SNTB1: variants seen among roughly 807,000 people sequenced by gnomAD.
SNTB1 encodes the protein syntrophin beta 1, also known as beta-1-syntrophin.
In SNTB1, 36 loss-of-function variants were observed where a neutral mutation model predicts 48.9. That is an observed-to-expected ratio of 0.74 (90% CI 0.56 to 0.97). The LOEUF (loss-of-function observed/expected upper bound fraction) is 0.97, where lower values mean the gene tolerates loss of function less well. Ranked by LOEUF, SNTB1 falls within the 50% of genes least tolerant of loss-of-function variation. SNTB1 has a pLI of 0.00. For synonymous variants in SNTB1, 299 were observed against 294.6 expected (o/e 1.01, Z -0.15); for missense variants, 786 against 703.4 (o/e 1.12, Z -1.33).
intron 4 of SNTB1, among the ~76,000 whole-genome samples, chr8:120,574,153 A>T (rs4562365): frequency 0.43 from 64,705 of 152,076 alleles, 17,320 homozygotes; most frequent in Non-Finnish European, 0.61. Flanking sequence ...TTATATGAGG[A>T]ATCTAAAATG....
chr8:120,696,478 G>A (rs1220102473), intron 1 of SNTB1, among the ~76,000 whole-genome samples: 1 of 152,150 alleles, frequency 6.6e-6, no homozygotes, highest in African/African-American at 2.4e-5. Flanking sequence ...ATTGAATCAG[G>A]TGCTTTACAT....
intron 1 of SNTB1, among the ~76,000 whole-genome samples, chr8:120,695,737 A>T (rs975169015): frequency 6.6e-6 from 1 of 152,186 alleles, no homozygotes; most frequent in African/African-American, 2.4e-5. Flanking sequence ...GAGGGACTCA[A>T]TCATATCAAA....
intron 3 of SNTB1, among the ~76,000 whole-genome samples, chr8:120,608,040 C>T (rs780690709): frequency 6.6e-6 from 1 of 152,132 alleles, no homozygotes; most frequent in Non-Finnish European, 1.5e-5. Flanking sequence ...TCCAAGAAAC[C>T]GCAAGCTTGG....
Position 120,541,819 on chromosome 8 carries a change from A to G in SNTB1, c.1515T>C (p.Asp505=), listed in dbSNP as rs766600065. Residue 505 remains aspartate, a synonymous_variant, in exon 6 of 7, where the codon GAT becomes GAC. Transcript: ENST00000517992. ...RMLYLDFGGK[D]GEIQLDLHSC... is the part of the protein sequence containing the mutation. ...AGAAAAGTACACTTACAATCTCTCC[A>G]TCTTTGCCTCCAAAATCTAAATACA... 3 of 1,611,704 alleles carry G rather than the reference A, an allele frequency of 1.9e-6. No individual in the cohort carries two copies. Among genetic ancestry groups the G allele is most frequent in the Admixed American group, 3.4e-5 (2 of 59,672 alleles).
chr8:120,714,190 C>T (rs1257570819), intron 1 of SNTB1, among the ~76,000 whole-genome samples: 2 of 152,148 alleles, frequency 1.3e-5, no homozygotes, highest in Non-Finnish European at 2.9e-5. Context: ...AGAGTGCCTT[C>T]CACCTGTATT....
At chr8:120,792,101 G>GCA (rs35253518) in intron 1 of SNTB1, among the ~76,000 whole-genome samples, 163 of 148,836 alleles carry the variant, frequency 1.1e-3, no homozygotes, top group Admixed American at 5.3e-3. Flanking sequence ...TACTAAAGAA[G>GCA]CACACACACA....
At chr8:120,715,375 A>G (rs1355063210) in intron 1 of SNTB1, among the ~76,000 whole-genome samples, 1 of 152,202 alleles carries the variant, frequency 6.6e-6, no homozygotes, top group African/African-American at 2.4e-5. Context: ...ATTTTTATAC[A>G]ATGCTCAGGT....
chr8:120,789,344 A>AG (rs1819985367), intron 1 of SNTB1, among the ~76,000 whole-genome samples: 1 of 151,954 alleles, frequency 6.6e-6, no homozygotes, highest in African/African-American at 2.4e-5. Context: ...AGAAAAAAAA[A>AG]GAACACACCA....
chr8:120,540,883 G>A (rs1200269954), intron 6 of SNTB1, among the ~76,000 whole-genome samples: 2 of 152,112 alleles, frequency 1.3e-5, no homozygotes, highest in Non-Finnish European at 2.9e-5. Context: ...CTGCAATTCT[G>A]AGAGATAAAA....
At chr8:120,690,103 A>T (rs1374760287) in intron 2 of SNTB1, among the ~76,000 whole-genome samples, 1 of 152,216 alleles carries the variant, frequency 6.6e-6, no homozygotes, top group Non-Finnish European at 1.5e-5. Flanking sequence ...ATTTTGAGAG[A>T]CAGAGAGACC....
At chr8:120,585,129 G>GTAGT (rs1816118316) in intron 3 of SNTB1, among the ~76,000 whole-genome samples, 1 of 152,112 alleles carries the variant, frequency 6.6e-6, no homozygotes, top group African/African-American at 2.4e-5. Context: ...GCCCTATGCT[G>GTAGT]TAGTTCACCA....
chr8:120,693,544 C>T (rs1309795783), intron 2 of SNTB1, 148 bp downstream of exon 2: 1 of 706,222 alleles, frequency 1.4e-6, no homozygotes, highest in Non-Finnish European at 2.5e-6. Flanking sequence ...CACACAGACA[C>T]ACACAATTCT....
intron 1 of SNTB1, among the ~76,000 whole-genome samples, chr8:120,762,396 A>T (rs1470120853): frequency 1.3e-5 from 2 of 152,152 alleles, no homozygotes; most frequent in Non-Finnish European, 2.9e-5. Flanking sequence ...CAGGAAACCC[A>T]TTTCCTTTAT....
At chr8:120,738,619 A>G (rs1025378364) in intron 1 of SNTB1, among the ~76,000 whole-genome samples, 1 of 144,050 alleles carries the variant, frequency 6.9e-6, no homozygotes, top group Admixed American at 7.2e-5. Context: ...CCTATAACTC[A>G]CAATCATCCA....
intron 3 of SNTB1, among the ~76,000 whole-genome samples, chr8:120,607,415 A>G (rs1225038537): frequency 8.1e-6 from 1 of 123,282 alleles, no homozygotes; most frequent in African/African-American, 3.7e-5. Context: ...GCTTTTTTTA[A>G]AAAAGTATAC....
intron 3 of SNTB1, among the ~76,000 whole-genome samples, chr8:120,618,678 G>C (rs572440963): frequency 6.6e-6 from 1 of 152,310 alleles, no homozygotes; most frequent in African/African-American, 2.4e-5. Flanking sequence ...TAAAAGATGA[G>C]GGATAAATAA....
intron 1 of SNTB1, among the ~76,000 whole-genome samples, chr8:120,805,290 C>T (rs1276600382): frequency 6.6e-6 from 1 of 151,998 alleles, no homozygotes; most frequent in Non-Finnish European, 1.5e-5. Flanking sequence ...TGTTAACTTA[C>T]GTGGCAAAGG....
At chr8:120,722,408 T>C (rs1303795584) in intron 1 of SNTB1, among the ~76,000 whole-genome samples, 2 of 152,148 alleles carry the variant, frequency 1.3e-5, no homozygotes, top group African/African-American at 4.8e-5. Flanking sequence ...CCAGCACCTG[T>C]TGTTTCCTGA....
chr8:120,688,265 C>T lies in SNTB1; in HGVS notation c.788+5427G>A, dbSNP rs530680381. Among the ~76,000 whole-genome samples the T allele has an allele frequency of 1.6e-4, 24 of 152,328 alleles. No homozygotes were observed. In the South Asian group the frequency reaches 3.7e-3, roughly 24 times the overall value. ...CACAGCTGCTCACGATCCAGTGACA[C>T]ACTTGGTTAATGGATTGTCCTGGTT... On this transcript the variant is annotated intron_variant, in intron 2 of 6. Coordinates refer to ENST00000517992, the MANE Select transcript of SNTB1 (RefSeq NM_021021.4).
Sources: allele counts gnomAD v4.1 joint callset (sites outside exome capture counted in the v4.1 genomes callset), GRCh38; gene constraint gnomAD v4.1.1; transcripts MANE v1.5; gene names NCBI Gene and HGNC (gene_info 2026-07-23, HGNC 2026-07-21).